The following ZNF568 variants were observed in gnomAD, a reference collection of about 807,000 sequenced individuals.
ZNF568 encodes zinc finger protein 568, also known as p53 inhibitor of SCO2 activation.
A neutral mutation model predicts 18.1 loss-of-function variants in ZNF568; 11 were observed. That is an observed-to-expected ratio of 0.61 (90% CI 0.38 to 1.00). The LOEUF (loss-of-function observed/expected upper bound fraction) is 1.00, where lower values mean the gene tolerates loss of function less well. Ranked by LOEUF, ZNF568 falls within the 50% of genes least tolerant of loss-of-function variation. ZNF568 has a pLI of 0.01. For synonymous variants in ZNF568, 213 were observed against 246.6 expected, an observed-to-expected ratio of 0.86 and a Z score of 1.28; for missense variants, 639 against 768.2, an observed-to-expected ratio of 0.83 and a Z score of 1.99.
rs778023892 is a variant in ZNF568, at chr19:36,949,505, A to G, written c.359-7A>G. On this transcript the variant is annotated splice_polypyrimidine_tract_variant and splice_region_variant and intron_variant, in intron 6 of 6. Coordinates refer to ENST00000333987, the MANE Select transcript of ZNF568 (RefSeq NM_198539.4). Reference sequence around the variant, plus strand: ...CACAAGTAATAATTTCTGGTCCTCCATTTTAGAAGTTTGGGAAGTTGATGA... The same window carrying G: ...CACAAGTAATAATTTCTGGTCCTCCGTTTTAGAAGTTTGGGAAGTTGATGA... 1.3e-6 allele frequency: 2 copies of G among 1,550,232 alleles called. No individual in the cohort carries two copies. The highest frequency in any genetic ancestry group is 1.7e-6 in the Non-Finnish European group (2 of 1,154,278).
chr19:36,978,332 T>A (rs989582102), intron 7 of ZNF568, among the ~76,000 whole-genome samples: 2 of 152,228 alleles, frequency 1.3e-5, no homozygotes, highest in Admixed American at 6.5e-5. Flanking sequence ...TTTCCTGCCC[T>A]GATTCCTGTG....
At chr19:36,949,399 T>C in intron 6 of ZNF568, 113 bp from the exon 7 acceptor site, 1 of 1,145,134 alleles carries the variant, frequency 8.7e-7, no homozygotes. Context: ...TTTGTATTGG[T>C]TGACTAGGCC....
chr19:36,920,893 C>T lies in ZNF568; in HGVS notation c.-185-1693C>T, dbSNP rs1408569230. On this transcript the variant is annotated intron_variant, in intron 2 of 6. Transcript: ENST00000333987. ...CTTTTATATTATATTTTTACCATTTCTCTCCTGTGTTTAGGTATGTTTAGA... is the reference window on the plus strand; with the variant it reads ...CTTTTATATTATATTTTTACCATTTTTCTCCTGTGTTTAGGTATGTTTAGA... Among the ~76,000 whole-genome samples the T allele has an allele frequency of 3.3e-5, 5 of 152,078 alleles. No individual in the cohort carries two copies. The East Asian group carries it at 7.7e-4, about 23-fold the overall frequency.
At chr19:36,938,614 C>T (rs971466975) in intron 6 of ZNF568, among the ~76,000 whole-genome samples, 25 of 152,062 alleles carry the variant, frequency 1.6e-4, no homozygotes, top group African/African-American at 6.0e-4. Context: ...TCTTTTTAAC[C>T]TTTACATTTG....
chr19:36,945,786 A>T (rs1208606180), intron 6 of ZNF568, among the ~76,000 whole-genome samples: 2 of 150,724 alleles, frequency 1.3e-5, no homozygotes, highest in African/African-American at 2.4e-5. Flanking sequence ...TGTTTTTTTA[A>T]ATAGTGGAAG....
intron 6 of ZNF568, among the ~76,000 whole-genome samples, chr19:36,970,908 C>A (rs1431864299): frequency 6.6e-6 from 1 of 152,188 alleles, no homozygotes; most frequent in South Asian, 2.1e-4. Context: ...ACAGTTTCCT[C>A]TACCATGGTT....
intron 2 of ZNF568, among the ~76,000 whole-genome samples, chr19:36,988,154 A>G (rs1240238631): frequency 1.3e-5 from 2 of 151,764 alleles, no homozygotes; most frequent in Admixed American, 1.3e-4. Context: ...GGGTCCTGCT[A>G]TGTTGCCCAG....
intron 2 of ZNF568, among the ~76,000 whole-genome samples, chr19:36,988,358 G>T (rs181302489): frequency 2.0e-5 from 3 of 152,274 alleles, no homozygotes; most frequent in Admixed American, 6.5e-5. Context: ...AAGAAAAGAG[G>T]TTTAATTGGC....
At chr19:36,919,753 T>A in intron 2 of ZNF568, among the ~76,000 whole-genome samples, 1 of 152,060 alleles carries the variant, frequency 6.6e-6, no homozygotes, top group Non-Finnish European at 1.5e-5. Flanking sequence ...GCTGAAAAAT[T>A]CCTGTCACCT....
At chr19:36,925,322 T>TA (rs1255108785) in intron 4 of ZNF568, 64 bp downstream of exon 4, 1 of 1,383,618 alleles carries the variant, frequency 7.2e-7, no homozygotes, top group Non-Finnish European at 1.0e-6. Context: ...TGGGTTCTTG[T>TA]AACCTACCAA....
chr19:36,991,982 G>T (rs2146349885), intron 4 of ZNF568: 2 of 648,056 alleles, frequency 3.1e-6, no homozygotes, highest in South Asian at 4.6e-5. Flanking sequence ...AAGTAAGGAT[G>T]TTGTAATCCC....
At chr19:36,948,657 G>GCTTTTTTTTTTTTTTT (rs1568391851) in intron 6 of ZNF568, among the ~76,000 whole-genome samples, 1 of 42,576 alleles carries the variant, frequency 2.3e-5, no homozygotes, top group Non-Finnish European at 4.1e-5. Flanking sequence ...TTTTGTTGTT[G>GCTTTTTTTTTTTTTTT]ATTTTTTTTT....
In ZNF568 at chr19:36,987,822, C is replaced by CTGTGTGTGTGTG. The variant is rs56000710; in HGVS notation, c.10-3336_10-3325dup. Reference sequence around the variant, plus strand: ...CTCAGAGAGAAAGAAAACACAGACTCTGTGTGTGTGTGTGTGTGTGTGTGT... The same window carrying CTGTGTGTGTGTG: ...CTCAGAGAGAAAGAAAACACAGACTCTGTGTGTGTGTGTGTGTGTGTGTGTGTGTGTGTGTGT... On this transcript the variant is annotated intron_variant, in intron 2 of 4. Coordinates refer to the ZNF568 transcript ENST00000433993. Among the ~76,000 whole-genome samples the CTGTGTGTGTGTG allele has an allele frequency of 9.1e-3, 1,330 of 146,400 alleles. 11 individuals carry two copies. The highest frequency in any genetic ancestry group is 0.012 in the Admixed American group (174 of 14,790).
chr19:36,997,397 A>G (rs1363752), downstream of ZNF568: 841,687 of 1,597,698 alleles, frequency 0.53, 223,664 homozygotes, highest in African/African-American at 0.61. Context: ...AAGGAATGTG[A>G]AAAGGCCTTT....
At chr19:36,979,334 T>C (rs2074312725) in exon 8 of ZNF568, 1 of 155,226 alleles carries the variant, frequency 6.4e-6, no homozygotes, top group Non-Finnish European at 1.4e-5. Context: ...TAGTAGAACA[T>C]GTGTAATATA....
At chr19:36,960,350 T>G (rs1024022732) in intron 6 of ZNF568, among the ~76,000 whole-genome samples, 3 of 151,938 alleles carry the variant, frequency 2.0e-5, no homozygotes, top group Non-Finnish European at 4.4e-5. Context: ...ACTCCTGACC[T>G]CAGGTGATCC....
At chr19:36,985,515 GTTTTGT>G (rs796889411) in intron 2 of ZNF568, among the ~76,000 whole-genome samples, 4 of 150,520 alleles carry the variant, frequency 2.7e-5, no homozygotes, top group Admixed American at 6.6e-5. Flanking sequence ...TTGTTTGTTT[GTTTTGT>G]TTTGTTTTGT....
intron 4 of ZNF568, among the ~76,000 whole-genome samples, chr19:36,992,091 A>C (rs1193243135): frequency 2.0e-5 from 3 of 151,954 alleles, no homozygotes; most frequent in Non-Finnish European, 4.4e-5. Flanking sequence ...AAATACAAAA[A>C]AATTAGCCAG....
At chr19:36,986,613 T>A (rs544669771) in intron 2 of ZNF568, among the ~76,000 whole-genome samples, 1 of 152,268 alleles carries the variant, frequency 6.6e-6, no homozygotes, top group East Asian at 1.9e-4. Flanking sequence ...TGTCCTATGA[T>A]TGATTTTCTT....
Sources: allele counts gnomAD v4.1 joint callset (sites outside exome capture counted in the v4.1 genomes callset), GRCh38; gene constraint gnomAD v4.1.1; transcripts MANE v1.5; gene names NCBI Gene and HGNC (gene_info 2026-07-23, HGNC 2026-07-21).